The following SPATA17 variants were observed in gnomAD, a reference collection of about 807,000 sequenced individuals.
The protein encoded by SPATA17 is spermatogenesis associated 17.
In SPATA17, 53 loss-of-function variants were observed where a neutral mutation model predicts 62.2. The ratio of observed to expected loss-of-function variants is 0.85; its 90% confidence interval spans 0.68 to 1.07. SPATA17 has a LOEUF of 1.07. Among genes scored for constraint, SPATA17 ranks in the 50% least tolerant of loss-of-function variants. SPATA17 has a pLI of 0.00. For synonymous variants in SPATA17, 146 were observed against 146.8 expected (o/e 0.99, Z 0.04); for missense variants, 466 against 425.5 (o/e 1.10, Z -0.84).
At chr1:217,769,489 A>G (rs1242295078) in intron 6 of SPATA17, among the ~76,000 whole-genome samples, 1 of 152,212 alleles carries the variant, frequency 6.6e-6, no homozygotes, top group Non-Finnish European at 1.5e-5. Flanking sequence ...CAACCTCATG[A>G]TCTTGGCTGA....
At chr1:217,727,850 G>A (rs1672305067) in intron 5 of SPATA17, among the ~76,000 whole-genome samples, 1 of 152,140 alleles carries the variant, frequency 6.6e-6, no homozygotes, top group African/African-American at 2.4e-5. Flanking sequence ...CCTTAGTCAA[G>A]TTACTTACTA....
chr1:217,745,989 G>A (rs1467279400), intron 6 of SPATA17, among the ~76,000 whole-genome samples: 2 of 152,156 alleles, frequency 1.3e-5, no homozygotes, highest in East Asian at 3.9e-4. Context: ...TTTACAGCAT[G>A]TCTTGGCTAT....
intron 3 of SPATA17, among the ~76,000 whole-genome samples, chr1:217,659,761 C>A (rs917556366): frequency 6.6e-6 from 1 of 152,072 alleles, no homozygotes; most frequent in Non-Finnish European, 1.5e-5. Context: ...AGAAATCGAA[C>A]CCTGAGAAAC....
chr1:217,711,490 A>G (rs983500881), intron 5 of SPATA17, among the ~76,000 whole-genome samples: 1 of 152,212 alleles, frequency 6.6e-6, no homozygotes, highest in Admixed American at 6.5e-5. Context: ...AATTCGAGTC[A>G]TAGTTTTTCC....
chr1:217,762,788 G>T (rs998417239), intron 6 of SPATA17, among the ~76,000 whole-genome samples: 1 of 152,040 alleles, frequency 6.6e-6, no homozygotes, highest in East Asian at 1.9e-4. Context: ...CCTGGCCAAC[G>T]TGGTGAAACC....
intron 4 of SPATA17, among the ~76,000 whole-genome samples, chr1:217,675,552 G>T (rs984147253): frequency 6.6e-6 from 1 of 152,114 alleles, no homozygotes; most frequent in Non-Finnish European, 1.5e-5. Flanking sequence ...ATGGATCTCT[G>T]AAGCTAGGCA....
intron 1 of SPATA17, among the ~76,000 whole-genome samples, chr1:217,642,555 G>T (rs756176934): frequency 6.6e-6 from 1 of 152,070 alleles, no homozygotes; most frequent in Non-Finnish European, 1.5e-5. Context: ...ATCTCATCTC[G>T]AATTGAAATC....
chr1:217,712,493 G>A (rs1671899296), intron 5 of SPATA17, among the ~76,000 whole-genome samples: 1 of 151,864 alleles, frequency 6.6e-6, no homozygotes, highest in African/African-American at 2.4e-5. Flanking sequence ...TATCCTTCAT[G>A]AGGTTCTTAT....
intron 5 of SPATA17, among the ~76,000 whole-genome samples, chr1:217,698,159 C>T (rs1318544575): frequency 1.3e-5 from 2 of 152,054 alleles, no homozygotes; most frequent in Admixed American, 6.6e-5. Flanking sequence ...AAAAATCAGG[C>T]TGGGCACAGT....
At chr1:217,655,077 T>C (rs1330092758) in intron 3 of SPATA17, among the ~76,000 whole-genome samples, 2 of 152,216 alleles carry the variant, frequency 1.3e-5, no homozygotes, top group East Asian at 3.8e-4. Flanking sequence ...TGCTAATGTA[T>C]AGACACTATT....
At chr1:217,771,654 T>C (rs181424087) in intron 6 of SPATA17, among the ~76,000 whole-genome samples, 29 of 152,304 alleles carry the variant, frequency 1.9e-4, no homozygotes, top group African/African-American at 6.0e-4. Context: ...ACTGACACCT[T>C]GAAGACTTTA....
At chr1:217,733,974 C>A (rs1352029870) in intron 5 of SPATA17, among the ~76,000 whole-genome samples, 1 of 152,050 alleles carries the variant, frequency 6.6e-6, no homozygotes, top group Non-Finnish European at 1.5e-5. Context: ...CATACAGATC[C>A]GGGGAGTAGG....
At chr1:217,654,394 G>A (rs1467419380) in intron 3 of SPATA17, among the ~76,000 whole-genome samples, 5 of 151,686 alleles carry the variant, frequency 3.3e-5, no homozygotes, top group Admixed American at 1.3e-4. Flanking sequence ...CGAAATGCAG[G>A]GATTACAGGC....
intron 7 of SPATA17, 137 bp from the exon 8 acceptor site, chr1:217,782,037 T>C: frequency 1.3e-6 from 1 of 773,566 alleles, no homozygotes; most frequent in South Asian, 4.1e-5. Flanking sequence ...ATATTCTAAC[T>C]CAGCGAAGAA....
chr1:217,689,350 C>T (rs987888233), intron 5 of SPATA17, among the ~76,000 whole-genome samples: 1 of 151,378 alleles, frequency 6.6e-6, no homozygotes, highest in East Asian at 1.9e-4. Flanking sequence ...CTCAGCTTCC[C>T]GAGTAGCTGG....
chr1:217,691,139 T>A (rs1181038876), intron 5 of SPATA17, among the ~76,000 whole-genome samples: 1 of 148,024 alleles, frequency 6.8e-6, no homozygotes, highest in Non-Finnish European at 1.5e-5. Flanking sequence ...CTCCACATCC[T>A]CTCCAGCACC....
At chr1:217,713,142 G>A (rs892437249) in intron 5 of SPATA17, among the ~76,000 whole-genome samples, 4 of 152,184 alleles carry the variant, frequency 2.6e-5, no homozygotes, top group Admixed American at 2.0e-4. Flanking sequence ...GGGCAGAGGA[G>A]TATGTAGAAT....
chr1:217,851,014 A>G (rs1020961633), intron 9 of SPATA17, among the ~76,000 whole-genome samples: 4 of 152,154 alleles, frequency 2.6e-5, no homozygotes, highest in Non-Finnish European at 5.9e-5. Context: ...TTTACTTGAG[A>G]CTTAATGTTT....
At chr1:217,672,629 G>T (rs888842559) in intron 4 of SPATA17, among the ~76,000 whole-genome samples, 9 of 151,740 alleles carry the variant, frequency 5.9e-5, no homozygotes, top group African/African-American at 2.2e-4. Context: ...TCAGTCTTTT[G>T]TAATGAAGAA....
Sources: gnomAD v4.1 joint callset for allele counts (sites outside exome capture counted in the v4.1 genomes callset) on GRCh38, gnomAD v4.1.1 for gene constraint, MANE v1.5 for transcripts, NCBI Gene and HGNC (gene_info 2026-07-23, HGNC 2026-07-21) for gene names.